The following COBL variants were observed in gnomAD, a reference collection of about 807,000 sequenced individuals.
COBL encodes the protein cordon-bleu WH2 repeat protein, also known as protein cordon-bleu.
COBL carries 51 observed loss-of-function variants against 98.8 expected under a neutral mutation model. The ratio of observed to expected loss-of-function variants is 0.52; its 90% CI spans 0.41 to 0.65. COBL has a LOEUF of 0.65. Among genes scored for constraint, COBL ranks in the 30% least tolerant of loss-of-function variants. The pLI is 0.00. For synonymous variants in COBL, 634 were observed against 651.7 expected, an observed-to-expected ratio of 0.97 and a Z score of 0.41; for missense variants, 1,617 against 1,617.5, an observed-to-expected ratio of 1.00 and a Z score of 0.01.
intron 6 of COBL, among the ~76,000 whole-genome samples, chr7:51,129,752 G>A (rs73697808): frequency 0.038 from 5,776 of 152,178 alleles, 368 homozygotes; most frequent in African/African-American, 0.13. Context: ...GGATGCTAGG[G>A]AGAGGCAGGT....
At chr7:51,154,031 G>T (rs775460431) in intron 5 of COBL, among the ~76,000 whole-genome samples, 1 of 152,184 alleles carries the variant, frequency 6.6e-6, no homozygotes, top group Non-Finnish European at 1.5e-5. Context: ...GTGGAGGCCC[G>T]TGTCGCTGAA....
chr7:51,165,416 A>AC (rs769801808), intron 5 of COBL, among the ~76,000 whole-genome samples: 95 of 152,206 alleles, frequency 6.2e-4, no homozygotes, highest in Admixed American at 1.9e-3. Flanking sequence ...AAGAGCATAT[A>AC]ACAATTTTAA....
chr7:51,177,031 G>C (rs1788439485), intron 5 of COBL, among the ~76,000 whole-genome samples: 1 of 152,164 alleles, frequency 6.6e-6, no homozygotes, highest in Admixed American at 6.5e-5. Flanking sequence ...ATTTTTGCCT[G>C]GGTCTACTAG....
At chr7:51,262,346 G>A (rs1348197335) in intron 1 of COBL, among the ~76,000 whole-genome samples, 2 of 152,216 alleles carry the variant, frequency 1.3e-5, no homozygotes, top group Non-Finnish European at 2.9e-5. Context: ...AAAGTGAGGA[G>A]GGAGACCCTG....
chr7:51,040,934 G>T (rs11973809), intron 8 of COBL, among the ~76,000 whole-genome samples: 146,228 of 152,352 alleles, frequency 0.96, 70,240 homozygotes, highest in Middle Eastern at 1. Context: ...GCAGCATCCC[G>T]CGGGGTGCAG....
intron 7 of COBL, among the ~76,000 whole-genome samples, chr7:51,048,301 T>G (rs1391901932): frequency 1.3e-5 from 2 of 152,210 alleles, no homozygotes; most frequent in Non-Finnish European, 2.9e-5. Flanking sequence ...TTGCAACAGA[T>G]GTACATTTTA....
At chr7:51,249,921 G>A (rs1416905757) in intron 1 of COBL, among the ~76,000 whole-genome samples, 1 of 152,112 alleles carries the variant, frequency 6.6e-6, no homozygotes, top group Non-Finnish European at 1.5e-5. Flanking sequence ...GGCCAATGTG[G>A]GGAAACCCTG....
Position 51,184,150 on chromosome 7 carries a change from CT to C in COBL, c.734del (p.Lys245ArgfsTer20). ...CTTTGAAAAATCCCAGAAATTTTTTCTTCTCTTTATCTGTCTCATCATTGCC... is the reference window on the plus strand; with the variant it reads ...CTTTGAAAAATCCCAGAAATTTTTTCTCTCTTTATCTGTCTCATCATTGCC... Reference protein sequence around the residue: ...SLGNDETDKEKKKFLGFFKVN... With the variant: ...SLGNDETDKEXKKFLGFFKVN... On this transcript the variant is annotated frameshift_variant, in exon 5 of 13. Transcript: ENST00000265136. LOFTEE classifies it high-confidence loss of function. The C allele has an allele frequency of 6.4e-7, 1 of 1,568,656 alleles. No homozygotes were observed. The highest frequency in any genetic ancestry group is 8.7e-7 in the Non-Finnish European group (1 of 1,154,624).
At position 51,018,917 on chromosome 7, in the gene COBL, T is replaced by TATAC. The variant is rs1260166185; in HGVS notation, c.3769-1350_3769-1349insGTAT. Among the ~76,000 whole-genome samples, 34 of 16,554 alleles carry TATAC rather than the reference T, an allele frequency of 2.1e-3. 3 individuals carry two copies. The highest frequency in any genetic ancestry group is 7.0e-3 in the African/African-American group (33 of 4,702). 10.9% of individuals were successfully genotyped at this position (16,554 alleles called of 152,430 possible). ...AAAAAAAAAAAAAAATATATATATA[T>TATAC]ATATATATATATATATATATATATA... On this transcript the variant is annotated intron_variant, in intron 12 of 12. Transcript: ENST00000265136.
At chr7:51,094,225 G>A (rs1323615097) in intron 6 of COBL, among the ~76,000 whole-genome samples, 7 of 151,894 alleles carry the variant, frequency 4.6e-5, no homozygotes, top group Non-Finnish European at 1.5e-5. Context: ...AAGCTGAGGA[G>A]TAGAGGAGAG....
intron 5 of COBL, among the ~76,000 whole-genome samples, chr7:51,168,805 A>G (rs1422875637): frequency 6.6e-6 from 1 of 152,222 alleles, no homozygotes; most frequent in East Asian, 1.9e-4. Context: ...TATTGAAGAG[A>G]TATCTGCATT....
chr7:51,049,544 C>T (rs915654178), intron 7 of COBL, among the ~76,000 whole-genome samples: 3 of 152,206 alleles, frequency 2.0e-5, no homozygotes, highest in African/African-American at 7.2e-5. Context: ...GTACACAATA[C>T]ATTTCAGTCA....
chr7:51,174,634 A>G lies in COBL; in HGVS notation c.783+9468T>C, dbSNP rs566543476. 8.5e-5 allele frequency among the ~76,000 whole-genome samples: 13 copies of G among 152,288 alleles called. No individual in the cohort carries two copies. The East Asian group carries it at 2.5e-3, about 29-fold the overall frequency. On this transcript the variant is annotated intron_variant, in intron 5 of 12. Transcript: ENST00000265136. ...ATGCCAAGGAGCCATAAAATGCCAC[A>G]CACTGGACACCATAACTCCTACCCT...
At position 51,026,536 on chromosome 7, in the gene COBL, CACCTCTT is replaced by C; in HGVS notation, c.3504+3_3504+9del. The C allele has an allele frequency of 3.1e-6, 5 of 1,613,496 alleles. No individual in the cohort carries two copies. The highest frequency in any genetic ancestry group is 4.2e-6 in the Non-Finnish European group (5 of 1,179,740). ...GCTCCTGGCGCCATGGAAGGCCCTT[CACCTCTT>C]ACCTTCCTCAGGCTGCAGGTGCCGC... On this transcript the variant is annotated splice_donor_5th_base_variant and intron_variant, in intron 11 of 12. Coordinates refer to ENST00000265136, the MANE Select transcript of COBL (RefSeq NM_015198.5).
At chr7:51,062,654 G>T (rs6970066) in intron 7 of COBL, among the ~76,000 whole-genome samples, 1 of 152,004 alleles carries the variant, frequency 6.6e-6, no homozygotes, top group Admixed American at 6.5e-5. Context: ...AAACGTGGGC[G>T]CTTGCTGATC....
chr7:51,024,004 T>C (rs1465764304), intron 12 of COBL, among the ~76,000 whole-genome samples: 1 of 152,112 alleles, frequency 6.6e-6, no homozygotes, highest in Non-Finnish European at 1.5e-5. Context: ...GATCTGGAAA[T>C]AATCACTCAG....
In COBL at chr7:51,017,370, G is replaced by A; in HGVS notation, c.*181C>T. On this transcript the variant is annotated 3_prime_UTR_variant, in exon 13 of 13. Coordinates refer to ENST00000265136, the MANE Select transcript of COBL (RefSeq NM_015198.5). ...GGCACACGAGCTGCGCAGCGACACA[G>A]CATCTTCTCCTTTCCTTTCAAGCCG... 2 of 649,930 alleles carry A rather than the reference G, an allele frequency of 3.1e-6. No individual in the cohort carries two copies. The highest frequency in any genetic ancestry group is 5.5e-6 in the Non-Finnish European group (2 of 360,800). 40.3% of individuals were successfully genotyped at this position (649,930 alleles called of 1,614,324 possible).
intron 4 of COBL, among the ~76,000 whole-genome samples, chr7:51,189,669 T>A (rs1202708315): frequency 1.3e-5 from 2 of 150,998 alleles, no homozygotes; most frequent in Non-Finnish European, 3.0e-5. Flanking sequence ...TACATTTTTG[T>A]TGGAAAAAAT....
rs1332604274 is a variant in COBL, at chr7:51,156,706, ACACACACACACACACACACACAC to A, written c.784-20398_784-20376del. On this transcript the variant is annotated intron_variant, in intron 5 of 12. Coordinates refer to ENST00000265136, the MANE Select transcript of COBL (RefSeq NM_015198.5). ...CAATAAAAAACCACCCTTCACACACACACACACACACACACACACACACACACACACACACAATGAACTGTAGT... is the reference window on the plus strand; with the variant it reads ...CAATAAAAAACCACCCTTCACACACAACACACACACACAATGAACTGTAGT... 3 of 69,584 alleles carry A rather than the reference ACACACACACACACACACACACAC, an allele frequency of 4.3e-5. No individual in the cohort carries two copies. In the Admixed American group the frequency reaches 4.4e-4, roughly 10 times the overall value. 4.3% of individuals were successfully genotyped at this position (69,584 alleles called of 1,614,324 possible).
Sources: gnomAD v4.1 joint callset for allele counts (sites outside exome capture counted in the v4.1 genomes callset) on GRCh38, gnomAD v4.1.1 for gene constraint, MANE v1.5 for transcripts, NCBI Gene and HGNC (gene_info 2026-07-23, HGNC 2026-07-21) for gene names.